The following PARP9 variants were observed in gnomAD, a reference collection of about 807,000 sequenced individuals.
PARP9 encodes poly(ADP-ribose) polymerase family member 9.
Under a neutral mutation model 68.8 loss-of-function variants are expected in PARP9, and 48 were observed. The ratio of observed to expected loss-of-function variants is 0.70; its 90% confidence interval spans 0.55 to 0.89. PARP9 has a LOEUF of 0.89. PARP9 is among the 40% of genes least tolerant of loss of function. The pLI is 0.00. For synonymous variants in PARP9, 309 were observed against 333.8 expected (o/e 0.93, Z 0.81); for missense variants, 806 against 969.3 (o/e 0.83, Z 2.24).
chr3:122,563,025 C>T (rs1281457152), intron 1 of PARP9, among the ~76,000 whole-genome samples: 1 of 152,128 alleles, frequency 6.6e-6, no homozygotes, highest in Admixed American at 6.5e-5. Flanking sequence ...AAATTGTTCA[C>T]AGTAAAGACG....
rs1421534843 is a variant in PARP9 at position 122,528,308 on chromosome 3, T to C, written c.*56A>G. The C allele has an allele frequency of 3.2e-6, 5 of 1,563,920 alleles. No individual in the cohort carries two copies. Among genetic ancestry groups the C allele is most frequent in the Non-Finnish European group, 4.3e-6 (5 of 1,153,824 alleles). On this transcript the variant is annotated 3_prime_UTR_variant, in exon 11 of 11. Transcript: ENST00000682323. ...CACTCTTTGAGCCATCGATGGTCAT[T>C]ATTTGGTTAGTTCACCCAAGGTAAG...
At chr3:122,562,435 C>T (rs543625199) in intron 1 of PARP9, among the ~76,000 whole-genome samples, 5 of 151,942 alleles carry the variant, frequency 3.3e-5, no homozygotes, top group South Asian at 2.1e-4. Context: ...CCTCATGATC[C>T]GCCTGCCTTG....
In PARP9 at chr3:122,530,176, C is replaced by CAAAAA. The variant is rs11295677; in HGVS notation, c.2081-1438_2081-1434dup. 3.6e-3 allele frequency among the ~76,000 whole-genome samples: 299 copies of CAAAAA among 82,266 alleles called. 1 individual carries two copies. Among genetic ancestry groups the CAAAAA allele is most frequent in the Non-Finnish European group, 5.4e-3 (232 of 42,710 alleles). 54.0% of individuals were successfully genotyped at this position (82,266 alleles called of 152,430 possible). ...TGGGTGACAAAGCAAGGCCCTGTCT[C>CAAAAA]AAAAAAAAAAAAAAAAAAAAAGGAA... On this transcript the variant is annotated intron_variant, in intron 10 of 10. Transcript: ENST00000682323.
intron 10 of PARP9, chr3:122,534,751 C>T (rs1346058477): frequency 3.8e-6 from 1 of 262,064 alleles, no homozygotes; most frequent in Admixed American, 6.5e-5. Flanking sequence ...TGGCACATGC[C>T]TGTAATCCCA....
chr3:122,542,811 G>A (rs1046997511), intron 7 of PARP9, among the ~76,000 whole-genome samples: 1 of 151,932 alleles, frequency 6.6e-6, no homozygotes, highest in African/African-American at 2.4e-5. Flanking sequence ...TATATGTGTT[G>A]GCAAAGCGAG....
intron 6 of PARP9, among the ~76,000 whole-genome samples, chr3:122,547,069 T>TAC (rs2078792377): frequency 7.8e-6 from 1 of 127,576 alleles, no homozygotes; most frequent in African/African-American, 2.6e-5. Context: ...CACATACATA[T>TAC]ATACACACAC....
At chr3:122,545,510 C>A (rs762174905) in intron 6 of PARP9, 21 bp from the exon 7 acceptor site, 1 of 1,613,694 alleles carries the variant, frequency 6.2e-7, no homozygotes, top group Non-Finnish European at 8.5e-7. Flanking sequence ...CAAAACAGAG[C>A]AGAGAGTCAT....
At chr3:122,547,629 G>T (rs551541195) in intron 6 of PARP9, among the ~76,000 whole-genome samples, 16 of 152,126 alleles carry the variant, frequency 1.1e-4, no homozygotes, top group African/African-American at 3.6e-4. Context: ...GAGGTGGGAG[G>T]ATTACTTGAG....
intron 1 of PARP9, among the ~76,000 whole-genome samples, chr3:122,560,121 C>T (rs1187719106): frequency 3.9e-5 from 6 of 151,996 alleles, no homozygotes; most frequent in Non-Finnish European, 7.4e-5. Flanking sequence ...CCCTGGAGAG[C>T]GTTTGAAGAA....
intron 7 of PARP9, among the ~76,000 whole-genome samples, chr3:122,543,449 G>T (rs963402779): frequency 6.6e-6 from 1 of 150,638 alleles, no homozygotes; most frequent in African/African-American, 2.4e-5. Flanking sequence ...GGCTAATTTT[G>T]TATTTTTAGC....
At chr3:122,546,992 AT>A (rs2078760593) in intron 6 of PARP9, among the ~76,000 whole-genome samples, 1 of 120,564 alleles carries the variant, frequency 8.3e-6, no homozygotes, top group African/African-American at 3.1e-5. Context: ...ATATATATAT[AT>A]ATATATATAT....
Position 122,552,502 on chromosome 3 carries a change from C to T in PARP9, c.1023G>A (p.Gln341=), listed in dbSNP as rs1228945738. Residue 341 remains glutamine (Q), a synonymous_variant, in exon 5 of 11, where the codon CAG becomes CAA. Transcript: ENST00000682323. ...TAAATCCTTTTGTGACCAGTACCAACTGGGACCGTTGAAACTGTTTAGCCT... is the reference window on the plus strand; with the variant it reads ...TAAATCCTTTTGTGACCAGTACCAATTGGGACCGTTGAAACTGTTTAGCCT... ...ATKAKQFQRS[Q]LVLVTKGFNL... is the part of the protein sequence containing the mutation. 6.2e-7 allele frequency: 1 copy of T among 1,614,122 alleles called. No individual in the cohort carries two copies. Among genetic ancestry groups the T allele is most frequent in the East Asian group, 2.2e-5 (1 of 44,868 alleles).
chr3:122,541,827 A>C (rs1203595970), intron 7 of PARP9, among the ~76,000 whole-genome samples: 1 of 152,228 alleles, frequency 6.6e-6, no homozygotes, highest in African/African-American at 2.4e-5. Context: ...AGGTATGGGC[A>C]TCTGACTCCA....
intron 1 of PARP9, among the ~76,000 whole-genome samples, chr3:122,560,635 C>G (rs1405906984): frequency 6.6e-6 from 1 of 152,186 alleles, no homozygotes; most frequent in African/African-American, 2.4e-5. Flanking sequence ...ATCTACCCGT[C>G]TCGGCCTCCC....
upstream of PARP9, chr3:122,564,603 T>C: frequency 1.3e-6 from 2 of 1,595,762 alleles, no homozygotes; most frequent in South Asian, 1.1e-5. Context: ...TGGAGTTCAG[T>C]GAAAGGGCAG....
chr3:122,536,699 C>A, intron 9 of PARP9: 1 of 558,058 alleles, frequency 1.8e-6, no homozygotes, highest in Non-Finnish European at 3.1e-6. Flanking sequence ...CAAAGACGGG[C>A]TTCCTGGATC....
rs977035590 is a variant in PARP9, at chr3:122,528,360, G to A, written c.*4C>T. On this transcript the variant is annotated 3_prime_UTR_variant, in exon 11 of 11. Transcript: ENST00000682323. ...CCATACCAGCTGTTAAAATGATGTA[G>A]AGATTAATCAACAGGGCTGCCACTT... 5.6e-6 allele frequency: 9 copies of A among 1,609,280 alleles called. No homozygotes were observed. The highest frequency in any genetic ancestry group is 2.7e-5 in the African/African-American group (2 of 74,864).
intron 7 of PARP9, 127 bp downstream of exon 7, chr3:122,545,305 C>A: frequency 1.1e-6 from 1 of 908,214 alleles, no homozygotes; most frequent in South Asian, 1.5e-5. Flanking sequence ...GGTATCCAAG[C>A]AGGACCACAA....
At chr3:122,534,431 T>C (rs1054855033) in intron 10 of PARP9, 2 of 985,380 alleles carry the variant, frequency 2.0e-6, no homozygotes, top group African/African-American at 3.5e-5. Flanking sequence ...CTATACCTGT[T>C]CGGCAGCATG....
Sources: gnomAD v4.1 joint callset for allele counts (sites outside exome capture counted in the v4.1 genomes callset) on GRCh38, gnomAD v4.1.1 for gene constraint, MANE v1.5 for transcripts, NCBI Gene and HGNC (gene_info 2026-07-23, HGNC 2026-07-21) for gene names.